Variants in RORA observed in about 807,000 individuals in gnomAD.
RORA encodes nuclear receptor ROR-alpha.
A neutral mutation model predicts 69.5 loss-of-function variants in RORA; 7 were observed. The ratio of observed to expected loss-of-function variants is 0.10; its 90% CI spans 0.06 to 0.19. RORA has a LOEUF of 0.19. Ranked by LOEUF, RORA falls within the 10% of genes least tolerant of loss-of-function variation. RORA has a pLI of 1.00. For synonymous variants in RORA, 261 were observed against 240.8 expected, an observed-to-expected ratio of 1.08 and a Z score of -0.78; for missense variants, 457 against 663.0, an observed-to-expected ratio of 0.69 and a Z score of 3.41.
rs16943657 is a variant in RORA at position 61,117,642 on chromosome 15, C to T, written c.166+111411G>A. Among the ~76,000 whole-genome samples the T allele has an allele frequency of 5.1e-3, 773 of 152,258 alleles. 6 individuals are homozygous for T. The highest frequency in any genetic ancestry group is 0.017 in the African/African-American group (714 of 41,548). ...TGTGTTTGAGGAATTCTCTCCCAGA[C>T]GTTAGAAAGTTGGATTTTGAAATCA... On this transcript the variant is annotated intron_variant, in intron 1 of 10. Coordinates refer to ENST00000335670, the MANE Select transcript of RORA (RefSeq NM_134261.3).
At chr15:61,179,984 AC>A (rs1310786650) in intron 1 of RORA, among the ~76,000 whole-genome samples, 2 of 142,130 alleles carry the variant, frequency 1.4e-5, no homozygotes, top group African/African-American at 5.2e-5. Flanking sequence ...AAAAAAAAAA[AC>A]AAAAAAAAAA....
chr15:60,865,779 G>A (rs2073480538), intron 1 of RORA, among the ~76,000 whole-genome samples: 1 of 152,094 alleles, frequency 6.6e-6, no homozygotes, highest in Admixed American at 6.5e-5. Flanking sequence ...ACCACAGAGA[G>A]TTCCTACTCT....
rs76732485 is a variant in RORA at position 60,605,608 on chromosome 15, T to C, written c.196+73049A>G. Among the ~76,000 whole-genome samples the C allele has an allele frequency of 3.0e-3, 450 of 152,312 alleles. 3 individuals are homozygous for C. The highest frequency in any genetic ancestry group is 0.01 in the African/African-American group (433 of 41,574). On this transcript the variant is annotated intron_variant, in intron 2 of 10. Coordinates refer to ENST00000335670, the MANE Select transcript of RORA (RefSeq NM_134261.3). The stretch of plus-strand genomic sequence containing the variant: ...TGATCAGATATGATTAATGATACGA[T>C]TTAAGATTATTGGTCTTTAATAGAG...
chr15:60,851,674 A>C (rs76463322), intron 1 of RORA, among the ~76,000 whole-genome samples: 3,354 of 152,124 alleles, frequency 0.022, 127 homozygotes, highest in African/African-American at 0.077. Context: ...TCTTAAAGAC[A>C]ATTCTGTGGC....
At chr15:61,162,199 T>C (rs2079501850) in intron 1 of RORA, among the ~76,000 whole-genome samples, 1 of 152,182 alleles carries the variant, frequency 6.6e-6, no homozygotes, top group Non-Finnish European at 1.5e-5. Flanking sequence ...TTCTTTGCAG[T>C]GTAATGTGTA....
At position 61,163,866 on chromosome 15, in the gene RORA, T is replaced by C. The variant is rs112918856; in HGVS notation, c.166+65187A>G. Among the ~76,000 whole-genome samples the C allele has an allele frequency of 1.5e-3, 233 of 152,334 alleles. 2 individuals carry two copies. Among genetic ancestry groups the C allele is most frequent in the African/African-American group, 5.5e-3 (228 of 41,598 alleles). ...TTATTTCTCCAAAAAGATTGTTGCC[T>C]GCATGATCCACATAGAGAAACCTAA... is the stretch of plus-strand genomic sequence containing the variant. On this transcript the variant is annotated intron_variant, in intron 1 of 10. Transcript: ENST00000335670.
intron 1 of RORA, among the ~76,000 whole-genome samples, chr15:61,023,725 A>T (rs1895657396): frequency 6.6e-6 from 1 of 152,194 alleles, no homozygotes; most frequent in Non-Finnish European, 1.5e-5. Flanking sequence ...GTTTCCTCTC[A>T]TGTGAGTGGA....
At chr15:61,001,308 C>G (rs967201223) in intron 1 of RORA, among the ~76,000 whole-genome samples, 6 of 152,234 alleles carry the variant, frequency 3.9e-5, no homozygotes, top group Admixed American at 3.3e-4. Context: ...AATAACTCAA[C>G]TTAGGGCTCA....
chr15:61,046,540 G>A (rs1330730331), intron 1 of RORA, among the ~76,000 whole-genome samples: 1 of 152,162 alleles, frequency 6.6e-6, no homozygotes, highest in African/African-American at 2.4e-5. Flanking sequence ...AGCCAGAGGC[G>A]AGCCGCAGGA....
In RORA at chr15:60,668,747, C is replaced by T. The variant is rs541618371; in HGVS notation, c.196+9910G>A. On this transcript the variant is annotated intron_variant, in intron 2 of 10. Transcript: ENST00000335670. ...TAAGAGAAAGAGAGATAAATTAACTCAATATGATTCATTATACTGGAGACT... is the reference window on the plus strand; with the variant it reads ...TAAGAGAAAGAGAGATAAATTAACTTAATATGATTCATTATACTGGAGACT... Among the ~76,000 whole-genome samples, 3 of 152,232 alleles carry T rather than the reference C, an allele frequency of 2.0e-5. No homozygotes were observed. In the South Asian group the frequency reaches 6.2e-4, roughly 32 times the overall value.
chr15:61,087,478 T>C (rs1431229855), intron 1 of RORA, among the ~76,000 whole-genome samples: 1 of 152,222 alleles, frequency 6.6e-6, no homozygotes, highest in African/African-American at 2.4e-5. Context: ...GCCTATTCTA[T>C]TCAAAGTGCT....
chr15:60,524,163 G>C (rs1276101206), intron 3 of RORA, among the ~76,000 whole-genome samples: 1 of 152,162 alleles, frequency 6.6e-6, no homozygotes, highest in Non-Finnish European at 1.5e-5. Flanking sequence ...CTATTTCTCA[G>C]ATCCATCTAC....
chr15:60,841,929 G>C (rs1224690419), intron 1 of RORA, among the ~76,000 whole-genome samples: 1 of 152,168 alleles, frequency 6.6e-6, no homozygotes, highest in Non-Finnish European at 1.5e-5. Context: ...GTGGGACCTG[G>C]GTCCAGTGAT....
At position 60,927,626 on chromosome 15, in the gene RORA, T is replaced by G. The variant is rs1200023792; in HGVS notation, c.167-248940A>C. On this transcript the variant is annotated intron_variant, in intron 1 of 10. Transcript: ENST00000335670. ...CATCTCTACTAAAAATACAAAAAATTAGCTGGGTGTGGTGGTGCACATCTG... is the reference window on the plus strand; with the variant it reads ...CATCTCTACTAAAAATACAAAAAATGAGCTGGGTGTGGTGGTGCACATCTG... 2.6e-5 allele frequency among the ~76,000 whole-genome samples: 4 copies of G among 152,008 alleles called. No individual in the cohort carries two copies. The East Asian group carries it at 7.8e-4, about 29-fold the overall frequency.
At chr15:60,780,364 G>A (rs947739339) in intron 1 of RORA, among the ~76,000 whole-genome samples, 16 of 152,308 alleles carry the variant, frequency 1.1e-4, no homozygotes, top group African/African-American at 3.8e-4. Context: ...GAACCACTGG[G>A]CTGGTCTAGA....
intron 2 of RORA, among the ~76,000 whole-genome samples, chr15:60,671,067 G>GATTATATATATATATATATATAT (rs2070457670): frequency 8.2e-6 from 1 of 122,310 alleles, no homozygotes; most frequent in African/African-American, 4.1e-5. Context: ...ATATCCCATT[G>GATTATATATATATATATATATAT]ATATATATAT....
At chr15:60,817,674 C>A (rs10519074) in intron 1 of RORA, among the ~76,000 whole-genome samples, 55,125 of 152,036 alleles carry the variant, frequency 0.36, 11,372 homozygotes, top group East Asian at 0.46. Flanking sequence ...GTGTCTTTAC[C>A]TCTAGTTCCC....
chr15:60,625,656 G>A (rs1447806787), intron 2 of RORA, among the ~76,000 whole-genome samples: 1 of 152,196 alleles, frequency 6.6e-6, no homozygotes, highest in Non-Finnish European at 1.5e-5. Context: ...AAATTGCTAT[G>A]GAATTATCTC....
chr15:60,525,249 T>C (rs773307445), intron 3 of RORA, among the ~76,000 whole-genome samples: 3 of 152,172 alleles, frequency 2.0e-5, no homozygotes, highest in Non-Finnish European at 4.4e-5. Flanking sequence ...CCTGGAAATA[T>C]GCCTGGCACT....
Sources: allele counts gnomAD v4.1 joint callset (sites outside exome capture counted in the v4.1 genomes callset), GRCh38; gene constraint gnomAD v4.1.1; transcripts MANE v1.5; gene names NCBI Gene and HGNC (gene_info 2026-07-23, HGNC 2026-07-21).